The following TMEM217 variants were observed in gnomAD, a reference collection of about 807,000 sequenced individuals.
TMEM217 encodes the protein transmembrane protein 217.
For missense variants in TMEM217, 204 were observed against 248.8 expected (o/e 0.82, Z 1.21); for synonymous variants, 76 against 88.3 (o/e 0.86, Z 0.78).
At chr6:37,233,774 C>A (rs906650313) in intron 1 of TMEM217, among the ~76,000 whole-genome samples, 3 of 152,106 alleles carry the variant, frequency 2.0e-5, no homozygotes, top group African/African-American at 7.2e-5. Context: ...CGCTAACTAA[C>A]GAAGTTACTA....
chr6:37,230,053 TG>T (rs1764109519), intron 1 of TMEM217, among the ~76,000 whole-genome samples: 1 of 152,246 alleles, frequency 6.6e-6, no homozygotes, highest in Admixed American at 6.5e-5. Context: ...ACTTCCTTGC[TG>T]GCTGTTAGCT....
At chr6:37,241,457 G>A (rs1764763542) in intron 1 of TMEM217, among the ~76,000 whole-genome samples, 12 of 152,120 alleles carry the variant, frequency 7.9e-5, no homozygotes. Flanking sequence ...GAGCACTAGG[G>A]ATTCTGTCTT....
intron 1 of TMEM217, among the ~76,000 whole-genome samples, chr6:37,252,395 C>G (rs940069304): frequency 6.6e-6 from 1 of 151,748 alleles, no homozygotes; most frequent in Non-Finnish European, 1.5e-5. Context: ...GCTGGCAAAG[C>G]CTAAAAATAT....
At chr6:37,232,903 TTA>T (rs1764281927) in intron 1 of TMEM217, among the ~76,000 whole-genome samples, 1 of 152,214 alleles carries the variant, frequency 6.6e-6, no homozygotes, top group South Asian at 2.1e-4. Flanking sequence ...TTCCTTCTGC[TTA>T]TTCCTAAAGG....
chr6:37,226,235 CTCT>C (rs1763817147), intron 1 of TMEM217, among the ~76,000 whole-genome samples: 1 of 147,152 alleles, frequency 6.8e-6, no homozygotes, highest in Non-Finnish European at 1.5e-5. Context: ...GATCACCATT[CTCT>C]TTTTTTGTTT....
Position 37,229,468 on chromosome 6 carries a change from G to A in TMEM217, c.-11-10427C>T, listed in dbSNP as rs531716763. 3.5e-5 allele frequency among the ~76,000 whole-genome samples: 5 copies of A among 144,192 alleles called. No individual in the cohort carries two copies. In the East Asian group the frequency reaches 1.1e-3, roughly 32 times the overall value. The allele number at this position is 144,192 out of a possible 152,430, so 94.6% of individuals were successfully genotyped here. A position where few individuals can be genotyped will look rare whatever the true frequency, so the allele number is the denominator to read the frequency against. Reference sequence around the variant, plus strand: ...CTCTATTCTCCTTCCTCAGCCTCCCGAGTAGCTGGGACTACAGGCGCCCGC... The same window carrying A: ...CTCTATTCTCCTTCCTCAGCCTCCCAAGTAGCTGGGACTACAGGCGCCCGC... On this transcript the variant is annotated intron_variant, in intron 1 of 1. Transcript: ENST00000357219.
At chr6:37,217,637 A>G (rs1053893112), downstream of TMEM217, 10 of 985,234 alleles carry the variant, frequency 1.0e-5, no homozygotes, top group Non-Finnish European at 1.2e-5. Context: ...ACATAAATTG[A>G]AGGATGAATT....
chr6:37,216,805 C>CATAA (rs923870625), downstream of TMEM217, among the ~76,000 whole-genome samples: 8 of 152,208 alleles, frequency 5.3e-5, no homozygotes, highest in East Asian at 1.4e-3. Flanking sequence ...AATAAGTGAC[C>CATAA]TTATAAAGGG....
intron 1 of TMEM217, among the ~76,000 whole-genome samples, chr6:37,230,218 C>T (rs1764120923): frequency 6.6e-6 from 1 of 152,194 alleles, no homozygotes; most frequent in Non-Finnish European, 1.5e-5. Context: ...AAAGTTCTCT[C>T]CATTTATGGG....
At chr6:37,225,965 G>T (rs1184898040) in intron 1 of TMEM217, among the ~76,000 whole-genome samples, 1 of 152,196 alleles carries the variant, frequency 6.6e-6, no homozygotes, top group Non-Finnish European at 1.5e-5. Context: ...ACTTGAGAGA[G>T]AAATAAACTC....
intron 1 of TMEM217, among the ~76,000 whole-genome samples, chr6:37,230,232 G>T (rs992168037): frequency 1.2e-4 from 18 of 152,194 alleles, no homozygotes; most frequent in African/African-American, 3.4e-4. Context: ...TTATGGGTTC[G>T]TGTGGTAAGA....
chr6:37,213,742 G>A (rs1442102183), downstream of TMEM217, among the ~76,000 whole-genome samples: 1 of 152,246 alleles, frequency 6.6e-6, no homozygotes, highest in Non-Finnish European at 1.5e-5. Flanking sequence ...TGTTGATAAT[G>A]GGGGACCTAA....
At chr6:37,227,395 C>T (rs778332648) in intron 1 of TMEM217, among the ~76,000 whole-genome samples, 3 of 152,112 alleles carry the variant, frequency 2.0e-5, no homozygotes, top group Admixed American at 6.6e-5. Context: ...CCCATCTATG[C>T]GGCAAAACTT....
chr6:37,245,452 C>T (rs912800672), intron 1 of TMEM217, among the ~76,000 whole-genome samples: 9 of 152,250 alleles, frequency 5.9e-5, no homozygotes, highest in Non-Finnish European at 1.2e-4. Context: ...AAACTCCTCC[C>T]GATTCGAAGT....
intron 1 of TMEM217, among the ~76,000 whole-genome samples, chr6:37,245,266 A>C (rs185640187): frequency 5.1e-4 from 77 of 152,346 alleles, no homozygotes; most frequent in African/African-American, 1.6e-3. Flanking sequence ...GGGTCACTGA[A>C]GACACTGCCA....
intron 1 of TMEM217, among the ~76,000 whole-genome samples, chr6:37,225,110 G>A (rs776202969): frequency 8.6e-5 from 13 of 151,936 alleles, no homozygotes; most frequent in Non-Finnish European, 1.8e-4. Flanking sequence ...TGAGGTATGA[G>A]AATCACTTGA....
rs577497909 is a variant in TMEM217, at chr6:37,232,177, C to T, written c.-11-13136G>A. 7.2e-4 allele frequency among the ~76,000 whole-genome samples: 110 copies of T among 152,134 alleles called. No individual in the cohort carries two copies. In the Middle Eastern group the frequency reaches 0.01, roughly 14 times the overall value. On this transcript the variant is annotated intron_variant, in intron 1 of 1. Coordinates refer to ENST00000357219, the Ensembl canonical transcript of TMEM217. ...GATTTGATTAATGGGTACAAAAGGA[C>T]GCTTCGTTCCAAAAAATAGAATTTT... is the stretch of plus-strand genomic sequence containing the variant.
intron 1 of TMEM217, among the ~76,000 whole-genome samples, chr6:37,239,891 T>TAAA (rs35304138): frequency 2.2e-5 from 3 of 133,728 alleles, no homozygotes; most frequent in Non-Finnish European, 3.3e-5. Flanking sequence ...CCCAGCTCAT[T>TAAA]AAAAAAAAAA....
chr6:37,249,602 T>C (rs1765288428), intron 1 of TMEM217, among the ~76,000 whole-genome samples: 1 of 152,148 alleles, frequency 6.6e-6, no homozygotes, highest in Non-Finnish European at 1.5e-5. Flanking sequence ...ATTACAGGTG[T>C]AAGCCACCGC....
Sources: allele counts gnomAD v4.1 joint callset (sites outside exome capture counted in the v4.1 genomes callset), GRCh38; gene constraint gnomAD v4.1.1; transcripts MANE v1.5; gene names NCBI Gene and HGNC (gene_info 2026-07-23, HGNC 2026-07-21).